The following CFAP46 variants were observed in gnomAD, a reference collection of about 807,000 sequenced individuals.
CFAP46 encodes the protein cilia- and flagella-associated protein 46.
In CFAP46, 245 loss-of-function variants were observed where a neutral mutation model predicts 325.7. That is an observed-to-expected ratio of 0.75 (90% CI 0.68 to 0.84). The LOEUF is 0.84. Among genes scored for constraint, CFAP46 ranks in the 40% least tolerant of loss-of-function variants. The pLI is 0.00. For synonymous variants in CFAP46, 1,523 were observed against 1,495.9 expected (o/e 1.02, Z -0.42); for missense variants, 3,346 against 3,543.0 (o/e 0.94, Z 1.41).
intron 10 of CFAP46, 22 bp from the exon 11 acceptor site, chr10:132,924,908 T>G (rs1849785170): frequency 2.2e-6 from 3 of 1,363,996 alleles, no homozygotes; most frequent in Non-Finnish European, 2.9e-6. Context: ...ACGTGGGGGA[T>G]TCTAGGGAGG....
At chr10:132,902,672 T>G (rs1849407309) in intron 22 of CFAP46, among the ~76,000 whole-genome samples, 1 of 152,242 alleles carries the variant, frequency 6.6e-6, no homozygotes, top group African/African-American at 2.4e-5. Flanking sequence ...TGAGCCACAT[T>G]TTCTTGCTTT....
rs886136565 is a variant in CFAP46, at chr10:132,940,903, C to T, written c.371+93G>A. 8 of 1,269,136 alleles carry T rather than the reference C, an allele frequency of 6.3e-6. No homozygotes were observed. In the African/African-American group the frequency reaches 1.2e-4, roughly 19 times the overall value. 78.6% of individuals were successfully genotyped at this position (1,269,136 alleles called of 1,614,324 possible). On this transcript the variant is annotated intron_variant, in intron 4 of 57. Transcript: ENST00000368586. ...TCACAGACCACAAACGAGGGGAAACCCCACAGTTCAAATAAATACACCCAC... is the reference window on the plus strand; with the variant it reads ...TCACAGACCACAAACGAGGGGAAACTCCACAGTTCAAATAAATACACCCAC...
chr10:132,886,534 C>A lies in CFAP46; in HGVS notation c.3305-575G>T, dbSNP rs144122531. 4.1e-3 allele frequency among the ~76,000 whole-genome samples: 622 copies of A among 152,296 alleles called. 4 individuals are homozygous for A. The highest frequency in any genetic ancestry group is 4.9e-3 in the Non-Finnish European group (331 of 68,016). ...CAGCCTCCATAGGGCGCCCTGTGGGCCATCAGTGCCCCCAAATGCACGAAG... is the reference window on the plus strand; with the variant it reads ...CAGCCTCCATAGGGCGCCCTGTGGGACATCAGTGCCCCCAAATGCACGAAG... On this transcript the variant is annotated intron_variant, in intron 25 of 57. Coordinates refer to ENST00000368586, the MANE Select transcript of CFAP46 (RefSeq NM_001200049.3). The surrounding 1 kb of genome is among the most constrained non-coding windows in gnomAD (Gnocchi z 5.8).
rs756434621 is a variant in CFAP46, at chr10:132,810,506, C to A, written c.7584-17G>T. 7.0e-6 allele frequency: 11 copies of A among 1,570,104 alleles called. No homozygotes were observed. Among genetic ancestry groups the A allele is most frequent in the Middle Eastern group, 1.7e-4 (1 of 6,014 alleles). ...CCAACAGATCTAGGGGAGAAACGTC[C>A]CCTCAGGAGGGCATGGACACCCTGG... is the stretch of plus-strand genomic sequence containing the variant. On this transcript the variant is annotated splice_polypyrimidine_tract_variant and intron_variant, in intron 56 of 57. Coordinates refer to ENST00000368586, the MANE Select transcript of CFAP46 (RefSeq NM_001200049.3).
At chr10:132,940,898 GA>G in intron 4 of CFAP46, 97 bp downstream of exon 4, 1 of 1,227,770 alleles carries the variant, frequency 8.1e-7, no homozygotes, top group South Asian at 1.3e-5. Flanking sequence ...CAAACGAGGG[GA>G]AACCCCACAG....
intron 8 of CFAP46, among the ~76,000 whole-genome samples, chr10:132,932,824 C>T (rs1397567693): frequency 6.6e-6 from 1 of 152,284 alleles, no homozygotes; most frequent in Non-Finnish European, 1.5e-5. Context: ...CAGCTCTCCA[C>T]TCTAAGGCTT....
chr10:132,824,059 G>T, intron 50 of CFAP46, among the ~76,000 whole-genome samples: 1 of 129,948 alleles, frequency 7.7e-6, no homozygotes, highest in African/African-American at 3.1e-5. Flanking sequence ...TGCTGTGTGT[G>T]CTGATGTGTG....
In CFAP46 at chr10:132,884,952, G is replaced by C; in HGVS notation, c.3627+151C>G. ...TGACTGGTCAGCAAGAGGAGTGCCC[G>C]GGGCCACGCGGTGCATTCTCTGTGC... On this transcript the variant is annotated intron_variant, in intron 27 of 57. Transcript: ENST00000368586. This position sits in a 1 kb window ranked among gnomAD's most constrained non-coding sequence, Gnocchi z 5.4. 1 of 800,788 alleles carries C rather than the reference G, an allele frequency of 1.2e-6. No homozygotes were observed. Among genetic ancestry groups the C allele is most frequent in the Non-Finnish European group, 1.9e-6 (1 of 527,276 alleles). The allele number at this position is 800,788 out of a possible 1,614,324, so 49.6% of individuals were successfully genotyped here. A position where few individuals can be genotyped will look rare whatever the true frequency, so the allele number is the denominator to read the frequency against.
rs375523254 is a variant in CFAP46, at chr10:132,814,621, C to T, written c.7250-9G>A. 125 of 1,577,444 alleles carry T rather than the reference C, an allele frequency of 7.9e-5. No individual in the cohort carries two copies. The highest frequency in any genetic ancestry group is 4.7e-4 in the South Asian group (41 of 86,730). On this transcript the variant is annotated splice_polypyrimidine_tract_variant and intron_variant, in intron 52 of 57. Coordinates refer to ENST00000368586, the MANE Select transcript of CFAP46 (RefSeq NM_001200049.3). ...GTATGGGTCCACGACGACTGGGTCC[C>T]GGTCAAGGAGAAACGGGAGCACAGG...
chr10:132,937,176 G>A (rs1348825827), intron 6 of CFAP46, 121 bp from the exon 7 acceptor site: 8 of 566,936 alleles, frequency 1.4e-5, no homozygotes, highest in African/African-American at 1.3e-4. Flanking sequence ...TACAACTTAA[G>A]CTGATTCCCC....
intron 34 of CFAP46, among the ~76,000 whole-genome samples, chr10:132,867,144 GACAC>G (rs1031956750): frequency 1.3e-5 from 2 of 149,886 alleles, no homozygotes; most frequent in Non-Finnish European, 3.0e-5. Context: ...CTCGCACACT[GACAC>G]ACACACAGGC....
In CFAP46 at chr10:132,860,540, G is replaced by T; in HGVS notation, c.5092-17C>A. On this transcript the variant is annotated splice_polypyrimidine_tract_variant and intron_variant, in intron 36 of 57. Transcript: ENST00000368586. The stretch of plus-strand genomic sequence containing the variant: ...GTGACACACCTGAGGACAGGCAGGG[G>T]TGGATACGGGTGTGTCTGAGGACAG... 6.6e-7 allele frequency: 1 copy of T among 1,508,738 alleles called. No homozygotes were observed. The highest frequency in any genetic ancestry group is 9.0e-7 in the Non-Finnish European group (1 of 1,109,024). 93.5% of individuals were successfully genotyped at this position (1,508,738 alleles called of 1,614,324 possible).
intron 16 of CFAP46, among the ~76,000 whole-genome samples, chr10:132,917,831 G>A (rs1849663605): frequency 2.6e-5 from 4 of 152,116 alleles, no homozygotes; most frequent in Admixed American, 2.6e-4. Context: ...TGTGGATGCA[G>A]GAAAGCAACC....
At chr10:132,826,087 G>A (rs1239494345) in intron 50 of CFAP46, among the ~76,000 whole-genome samples, 6 of 122,752 alleles carry the variant, frequency 4.9e-5, no homozygotes, top group Non-Finnish European at 7.2e-5. Context: ...CCAGGCAGGA[G>A]CCGGAGCCAC....
Position 132,937,073 on chromosome 10 carries a change from A to C in CFAP46, c.661-18T>G. ...TGACGAACCTGTCATAAAATGGAGC[A>C]GATTATTAATCTGGATTCAAACAAT... is the stretch of plus-strand genomic sequence containing the variant. On this transcript the variant is annotated intron_variant, in intron 6 of 57. Transcript: ENST00000368586. 1 of 1,416,040 alleles carries C rather than the reference A, an allele frequency of 7.1e-7. No homozygotes were observed. The highest frequency in any genetic ancestry group is 9.5e-7 in the Non-Finnish European group (1 of 1,051,766). 87.7% of individuals were successfully genotyped at this position (1,416,040 alleles called of 1,614,324 possible).
In CFAP46 at chr10:132,860,996, A is replaced by G. The variant is rs1457422333; in HGVS notation, c.4891-14T>C. On this transcript the variant is annotated splice_polypyrimidine_tract_variant and intron_variant, in intron 35 of 57. Transcript: ENST00000368586. ...CTCATCCAGCTCCTGAAGGAGAGAA[A>G]CTCAGACATGCTTGGGTTCCTCTAC... 1.3e-6 allele frequency: 2 copies of G among 1,550,120 alleles called. No homozygotes were observed. Among genetic ancestry groups the G allele is most frequent in the African/African-American group, 1.4e-5 (1 of 73,112 alleles).
chr10:132,821,637 G>GTGCTGTGTGTGTGCTGTA (rs1847834263), intron 50 of CFAP46, among the ~76,000 whole-genome samples: 1 of 141,854 alleles, frequency 7.0e-6, no homozygotes, highest in Non-Finnish European at 1.5e-5. Context: ...TGTGTGCTGT[G>GTGCTGTGTGTGTGCTGTA]TGCTGTGTGA....
chr10:132,810,591 A>C (rs1163982658), intron 56 of CFAP46, 102 bp from the exon 57 acceptor site: 17 of 1,032,590 alleles, frequency 1.6e-5, no homozygotes, highest in Middle Eastern at 2.0e-4. Flanking sequence ...GCACTTTCCC[A>C]TAAGACGCTG....
intron 38 of CFAP46, among the ~76,000 whole-genome samples, chr10:132,858,544 G>T (rs1848680308): frequency 6.6e-6 from 1 of 152,056 alleles, no homozygotes; most frequent in Non-Finnish European, 1.5e-5. Context: ...CTGGCATCAG[G>T]GCTGTGCTGG....
Sources: gnomAD v4.1 joint callset for allele counts (sites outside exome capture counted in the v4.1 genomes callset) on GRCh38, gnomAD v4.1.1 for gene constraint, Gnocchi (gnomAD v3.1) non-coding constraint, MANE v1.5 for transcripts, NCBI Gene and HGNC (gene_info 2026-07-23, HGNC 2026-07-21) for gene names.